CNOT7: variants seen among roughly 807,000 people sequenced by gnomAD.
CNOT7 encodes BTG1-binding factor 1.
A neutral mutation model predicts 37.1 loss-of-function variants in CNOT7; 4 were observed. The observed-to-expected ratio is 0.11, with a 90% confidence interval of 0.05 to 0.25. The LOEUF (loss-of-function observed/expected upper bound fraction) is 0.25. Ranked by LOEUF, CNOT7 falls within the 10% of genes least tolerant of loss-of-function variation. The pLI is 1.00. For missense variants in CNOT7, 170 were observed against 336.2 expected (o/e 0.51, Z 3.87); for synonymous variants, 128 against 115.6 (o/e 1.11, Z -0.69).
At chr8:17,233,776 G>C (rs1248690054) in intron 5 of CNOT7, among the ~76,000 whole-genome samples, 1 of 152,140 alleles carries the variant, frequency 6.6e-6, no homozygotes, top group Non-Finnish European at 1.5e-5. Flanking sequence ...AATTTCTCTA[G>C]TCATATGCTG....
chr8:17,235,292 T>G (rs530473977), intron 4 of CNOT7, among the ~76,000 whole-genome samples: 1 of 152,324 alleles, frequency 6.6e-6, no homozygotes, highest in East Asian at 1.9e-4. Flanking sequence ...TGGCATTCGG[T>G]AGACAAAAGT....
chr8:17,231,597 A>C, intron 6 of CNOT7: 1 of 985,312 alleles, frequency 1.0e-6, no homozygotes, highest in Non-Finnish European at 1.2e-6. Flanking sequence ...TTAATGTCTA[A>C]GAGAAAATAT....
At chr8:17,238,559 T>C (rs1809699287) in intron 3 of CNOT7, among the ~76,000 whole-genome samples, 1 of 150,246 alleles carries the variant, frequency 6.7e-6, no homozygotes, top group Admixed American at 6.7e-5. Context: ...ATGCTAAAAA[T>C]ATGTACCTCA....
chr8:17,235,236 T>G lies in CNOT7; in HGVS notation c.474-376A>C, dbSNP rs114214621. ...AACTATGGAAATGGAGAAATAAAGA[T>G]GAATGGAAACTTGGCCAGAAGAGTT... On this transcript the variant is annotated intron_variant, in intron 4 of 6. Coordinates refer to ENST00000361272, the MANE Select transcript of CNOT7 (RefSeq NM_013354.7). 3.3e-3 allele frequency among the ~76,000 whole-genome samples: 499 copies of G among 152,228 alleles called. 1 individual carries two copies. Among genetic ancestry groups the G allele is most frequent in the African/African-American group, 0.012 (480 of 41,536 alleles).
At chr8:17,231,536 T>C (rs1180908217) in intron 6 of CNOT7, 2 of 985,056 alleles carry the variant, frequency 2.0e-6, no homozygotes, top group Non-Finnish European at 1.2e-6. Context: ...GCTTTAATGC[T>C]TTCTATTATC....
chr8:17,239,256 C>A (rs1041824027), intron 3 of CNOT7, among the ~76,000 whole-genome samples: 7 of 151,890 alleles, frequency 4.6e-5, no homozygotes, highest in Non-Finnish European at 8.8e-5. Context: ...TGCCATGTTG[C>A]CCGAACTGGT....
At chr8:17,230,915 T>C in intron 6 of CNOT7, 67 bp from the exon 7 acceptor site, 1 of 1,209,090 alleles carries the variant, frequency 8.3e-7, no homozygotes, top group Non-Finnish European at 1.2e-6. Context: ...GTAATTTATA[T>C]TTCAGCAATG....
intron 1 of CNOT7, 52 bp downstream of exon 1, chr8:17,246,623 C>T (rs1342778958): frequency 6.4e-6 from 1 of 155,428 alleles, no homozygotes; most frequent in Non-Finnish European, 1.4e-5. Flanking sequence ...CCCCTTTCTA[C>T]TTCCCTAACC....
At chr8:17,241,119 G>A (rs1039445125) in intron 3 of CNOT7, among the ~76,000 whole-genome samples, 2 of 152,166 alleles carry the variant, frequency 1.3e-5, no homozygotes, top group African/African-American at 2.4e-5. Flanking sequence ...CCAGGCTGGA[G>A]TGCAGTGGTG....
chr8:17,241,168 G>C (rs1284546495), intron 3 of CNOT7: 1 of 152,076 alleles, frequency 6.6e-6, no homozygotes, highest in Non-Finnish European at 1.5e-5. Context: ...CTCAGTTAAA[G>C]CAATCCACTT....
rs779274471 is a variant in CNOT7, at chr8:17,225,486, G to A, written c.*5234C>T. 9.2e-5 allele frequency: 14 copies of A among 151,658 alleles called. No individual in the cohort carries two copies. The highest frequency in any genetic ancestry group is 1.5e-4 in the Non-Finnish European group (10 of 67,692). 9.4% of individuals were successfully genotyped at this position (151,658 alleles called of 1,614,324 possible). A position where few individuals can be genotyped will look rare whatever the true frequency, so the allele number is the denominator to read the frequency against. On this transcript the variant is annotated 3_prime_UTR_variant, in exon 7 of 7. Transcript: ENST00000361272. ...GACTATGGCTACAAAGCAATGAAAT[G>A]GACTTCTAAAGAGAAATTGCTCAAT... is the stretch of plus-strand genomic sequence containing the variant.
Position 17,246,840 on chromosome 8 carries a change from C to T in CNOT7, c.-261G>A, listed in dbSNP as rs1001223154. 2 of 298,638 alleles carry T rather than the reference C, an allele frequency of 6.7e-6. No individual in the cohort carries two copies. Among genetic ancestry groups the T allele is most frequent in the African/African-American group, 4.7e-5 (2 of 42,744 alleles). 18.5% of individuals were successfully genotyped at this position (298,638 alleles called of 1,614,324 possible). A position where few individuals can be genotyped will look rare whatever the true frequency, so the allele number is the denominator to read the frequency against. ...GCAGGAGCTGCGCCGCACCGTGCTGCGCCGTCGCTTTTCGCACGTCCTGAC... is the reference window on the plus strand; with the variant it reads ...GCAGGAGCTGCGCCGCACCGTGCTGTGCCGTCGCTTTTCGCACGTCCTGAC... On this transcript the variant is annotated 5_prime_UTR_variant, in exon 1 of 7. Transcript: ENST00000361272.
At chr8:17,244,814 G>T in intron 2 of CNOT7, 1 of 452,076 alleles carries the variant, frequency 2.2e-6, no homozygotes, top group Non-Finnish European at 3.9e-6. Context: ...TGGTTCCCAT[G>T]AATTCCAGTG....
At chr8:17,234,643 C>T (rs772734436) in intron 5 of CNOT7, 73 bp downstream of exon 5, 7 of 1,467,290 alleles carry the variant, frequency 4.8e-6, no homozygotes, top group Non-Finnish European at 6.7e-6. Context: ...AACAACATCC[C>T]AGCCTAGGCT....
intron 5 of CNOT7, among the ~76,000 whole-genome samples, chr8:17,234,033 G>A (rs1307404794): frequency 2.6e-5 from 4 of 152,122 alleles, no homozygotes; most frequent in Admixed American, 1.3e-4. Flanking sequence ...CAGCCTGGGC[G>A]ACAAGAGCAA....
chr8:17,234,890 G>A, intron 4 of CNOT7, 30 bp from the exon 5 acceptor site: 2 of 1,603,516 alleles, frequency 1.2e-6, no homozygotes, highest in South Asian at 1.1e-5. Flanking sequence ...ATAGAGAAGA[G>A]GGACATATAA....
Position 17,244,813 on chromosome 8 carries a change from T to A in CNOT7, c.117+223A>T, listed in dbSNP as rs922870566. The A allele has an allele frequency of 1.6e-5, 7 of 450,890 alleles. No individual in the cohort carries two copies. In the South Asian group the frequency reaches 2.1e-4, roughly 14 times the overall value. The allele number at this position is 450,890 out of a possible 1,614,324, so 27.9% of individuals were successfully genotyped here. ...TTATTCAAACGGCCCATGGTTCCCA[T>A]GAATTCCAGTGCGTTTTCCCTCACT... On this transcript the variant is annotated intron_variant, in intron 2 of 6. Coordinates refer to ENST00000361272, the MANE Select transcript of CNOT7 (RefSeq NM_013354.7).
At chr8:17,241,139 T>C (rs1810108598) in intron 3 of CNOT7, among the ~76,000 whole-genome samples, 1 of 152,140 alleles carries the variant, frequency 6.6e-6, no homozygotes, top group Admixed American at 6.5e-5. Context: ...GCAATCTAGA[T>C]CACTATAGCC....
At position 17,229,140 on chromosome 8, in the gene CNOT7, G is replaced by A. The variant is rs928216587; in HGVS notation, c.*1580C>T. ...TAATCATCTAGGGTTAATGAAGGAA[G>A]TTACTGAATTCTGTTGAGTTGCCCA... is the stretch of plus-strand genomic sequence containing the variant. On this transcript the variant is annotated 3_prime_UTR_variant, in exon 7 of 7. Transcript: ENST00000361272. 3 of 151,828 alleles carry A rather than the reference G, an allele frequency of 2.0e-5. No individual in the cohort carries two copies. The highest frequency in any genetic ancestry group is 2.9e-5 in the Non-Finnish European group (2 of 67,804). The allele number at this position is 151,828 out of a possible 1,614,324, so 9.4% of individuals were successfully genotyped here.
Sources: gnomAD v4.1 joint callset for allele counts (sites outside exome capture counted in the v4.1 genomes callset) on GRCh38, gnomAD v4.1.1 for gene constraint, MANE v1.5 for transcripts, NCBI Gene and HGNC (gene_info 2026-07-23, HGNC 2026-07-21) for gene names.